The following MYO3B variants were observed in gnomAD, a reference collection of about 807,000 sequenced individuals.
MYO3B encodes myosin-IIIb.
In MYO3B, 156 loss-of-function variants were observed where a neutral mutation model predicts 174.6. The observed-to-expected ratio is 0.89, with a 90% CI of 0.78 to 1.02. The LOEUF is 1.02. Among genes scored for constraint, MYO3B ranks in the 50% least tolerant of loss-of-function variants. MYO3B has a pLI of 0.00. For synonymous variants in MYO3B, 563 were observed against 569.1 expected (o/e 0.99, Z 0.15); for missense variants, 1,632 against 1,639.4 (o/e 1.00, Z 0.08).
chr2:170,480,571 C>A (rs1338946136), intron 25 of MYO3B, among the ~76,000 whole-genome samples: 1 of 152,196 alleles, frequency 6.6e-6, no homozygotes, highest in African/African-American at 2.4e-5. Context: ...GTCATGGGAA[C>A]CCCAACTTGA....
intron 7 of MYO3B, among the ~76,000 whole-genome samples, chr2:170,312,002 G>T (rs954306913): frequency 6.6e-6 from 1 of 152,166 alleles, no homozygotes. Context: ...GATTGCTGTT[G>T]CTTTGTAGTA....
At chr2:170,536,157 C>T (rs181732143) in intron 30 of MYO3B, among the ~76,000 whole-genome samples, 1 of 152,126 alleles carries the variant, frequency 6.6e-6, no homozygotes, top group Non-Finnish European at 1.5e-5. Context: ...TGTATGGGCT[C>T]ACGGTTGGGG....
At position 170,499,607 on chromosome 2, in the gene MYO3B, G is replaced by A. The variant is rs1214610880; in HGVS notation, c.3127-39G>A. On this transcript the variant is annotated intron_variant, in intron 26 of 34. Coordinates refer to ENST00000408978, the MANE Select transcript of MYO3B (RefSeq NM_138995.5). ...TGTAGTAGAGTGAATTTCTGTTGAG[G>A]AACCCATATGTAATGCTAAAACTAC... 2.5e-6 allele frequency: 4 copies of A among 1,590,540 alleles called. No homozygotes were observed. The Admixed American group carries it at 5.0e-5, about 20-fold the overall frequency.
intron 8 of MYO3B, among the ~76,000 whole-genome samples, chr2:170,362,172 T>C (rs951663640): frequency 6.6e-6 from 1 of 152,244 alleles, no homozygotes; most frequent in African/African-American, 2.4e-5. Context: ...TGCTCAGAGA[T>C]GTGATATTTT....
intron 9 of MYO3B, among the ~76,000 whole-genome samples, chr2:170,370,060 C>A (rs185580321): frequency 1.3e-5 from 2 of 152,150 alleles, no homozygotes. Flanking sequence ...TGGTAAATCT[C>A]TAAGAAATAG....
At chr2:170,431,809 C>A (rs1326408244) in intron 22 of MYO3B, among the ~76,000 whole-genome samples, 2 of 152,218 alleles carry the variant, frequency 1.3e-5, no homozygotes, top group African/African-American at 4.8e-5. Context: ...TTGATTCCTT[C>A]CCTCCACAAA....
intron 32 of MYO3B, among the ~76,000 whole-genome samples, chr2:170,618,927 C>T (rs1396732327): frequency 2.0e-5 from 3 of 152,106 alleles, no homozygotes. Flanking sequence ...CTAACAGAGC[C>T]TTAAAACAGA....
chr2:170,647,374 AAT>A (rs1429910079), intron 32 of MYO3B, among the ~76,000 whole-genome samples: 1 of 152,196 alleles, frequency 6.6e-6, no homozygotes, highest in Non-Finnish European at 1.5e-5. Flanking sequence ...GATAAATGTT[AAT>A]ATGTCTGTAT....
chr2:170,285,270 G>A (rs1432286380), intron 7 of MYO3B, among the ~76,000 whole-genome samples: 1 of 152,028 alleles, frequency 6.6e-6, no homozygotes, highest in Non-Finnish European at 1.5e-5. Flanking sequence ...GCATTCCAAA[G>A]GGTTTTTTTT....
chr2:170,416,439 A>T (rs996008456), intron 22 of MYO3B, among the ~76,000 whole-genome samples: 2 of 143,278 alleles, frequency 1.4e-5, no homozygotes, highest in African/African-American at 5.0e-5. Flanking sequence ...TAGGAGAATC[A>T]CTTGAACCTC....
chr2:170,204,690 C>T (rs1288427139), intron 3 of MYO3B, among the ~76,000 whole-genome samples: 1 of 152,016 alleles, frequency 6.6e-6, no homozygotes, highest in East Asian at 1.9e-4. Flanking sequence ...ATGCTGAGGG[C>T]GTAGGGAGGA....
At chr2:170,236,284 TG>T (rs527306271) in intron 7 of MYO3B, 148 bp downstream of exon 7, 317 of 539,504 alleles carry the variant, frequency 5.9e-4, no homozygotes, top group East Asian at 1.1e-3. Context: ...CAAGGGGGGC[TG>T]GGGGGGACAG....
intron 8 of MYO3B, among the ~76,000 whole-genome samples, chr2:170,361,128 C>T (rs2094157452): frequency 3.3e-5 from 5 of 152,080 alleles, no homozygotes; most frequent in South Asian, 2.1e-4. Flanking sequence ...ATCAATTGTT[C>T]GCTATATACC....
intron 7 of MYO3B, among the ~76,000 whole-genome samples, chr2:170,285,057 C>G (rs186584781): frequency 6.6e-6 from 1 of 152,282 alleles, no homozygotes; most frequent in African/African-American, 2.4e-5. Flanking sequence ...TTCAGTTTAC[C>G]TGCTGCATAG....
chr2:170,255,438 C>A (rs575871087), intron 7 of MYO3B, among the ~76,000 whole-genome samples: 1 of 152,296 alleles, frequency 6.6e-6, no homozygotes, highest in South Asian at 2.1e-4. Flanking sequence ...CTGGCCCTTA[C>A]TCTTAAGCAC....
intron 24 of MYO3B, among the ~76,000 whole-genome samples, chr2:170,465,078 G>A (rs767431063): frequency 2.0e-5 from 3 of 150,574 alleles, no homozygotes; most frequent in Non-Finnish European, 4.4e-5. Flanking sequence ...TCACCATGTT[G>A]GCCAGTCCGG....
intron 22 of MYO3B, among the ~76,000 whole-genome samples, chr2:170,419,213 G>A (rs374503632): frequency 5.3e-5 from 8 of 152,336 alleles, no homozygotes; most frequent in African/African-American, 1.7e-4. Flanking sequence ...GTCAGCCTCC[G>A]AGGATCAGGA....
intron 32 of MYO3B, among the ~76,000 whole-genome samples, chr2:170,544,311 G>A (rs776412908): frequency 1.3e-5 from 2 of 152,194 alleles, no homozygotes; most frequent in Non-Finnish European, 2.9e-5. Context: ...ATCACGCAGG[G>A]TCGAAATCTA....
chr2:170,471,136 C>T (rs1012665980), intron 25 of MYO3B, among the ~76,000 whole-genome samples: 5 of 151,930 alleles, frequency 3.3e-5, no homozygotes, highest in Admixed American at 1.3e-4. Context: ...CTGCAAACTC[C>T]GCCTCCCGGG....
Sources: gnomAD v4.1 joint callset for allele counts (sites outside exome capture counted in the v4.1 genomes callset) on GRCh38, gnomAD v4.1.1 for gene constraint, MANE v1.5 for transcripts, NCBI Gene and HGNC (gene_info 2026-07-23, HGNC 2026-07-21) for gene names.